The following CLVS1 variants were observed in gnomAD, a reference collection of about 807,000 sequenced individuals.
CLVS1 encodes clavesin-1.
Under a neutral mutation model 33.1 loss-of-function variants are expected in CLVS1, and 10 were observed. The ratio of observed to expected loss-of-function variants is 0.30; its 90% CI spans 0.19 to 0.51. The LOEUF is 0.51. CLVS1 is among the 20% of genes least tolerant of loss of function. The pLI is 0.97. For synonymous variants in CLVS1, 163 were observed against 166.1 expected (o/e 0.98, Z 0.14); for missense variants, 343 against 433.4 (o/e 0.79, Z 1.85).
intron 3 of CLVS1, among the ~76,000 whole-genome samples, chr8:61,419,090 C>T (rs79186131): frequency 0.02 from 3,014 of 152,168 alleles, 93 homozygotes; most frequent in African/African-American, 0.068. Context: ...AAGGCACAAA[C>T]AAGGCCACAA....
At chr8:61,121,257 A>T (rs1039049511) in intron 1 of CLVS1, among the ~76,000 whole-genome samples, 2 of 151,802 alleles carry the variant, frequency 1.3e-5, no homozygotes, top group African/African-American at 4.8e-5. Context: ...GCACCCACTG[A>T]CCTGCACCCA....
At chr8:61,282,987 T>C (rs1236532618), upstream of CLVS1, among the ~76,000 whole-genome samples, 1 of 152,220 alleles carries the variant, frequency 6.6e-6, no homozygotes, top group Non-Finnish European at 1.5e-5. Flanking sequence ...TCAAGTGCCT[T>C]CCATGATATA....
At chr8:61,186,021 G>A (rs953662981) in intron 2 of CLVS1, among the ~76,000 whole-genome samples, 2 of 152,176 alleles carry the variant, frequency 1.3e-5, no homozygotes, top group Non-Finnish European at 1.5e-5. Flanking sequence ...GACAGAGTAA[G>A]CAAGGCTGTT....
chr8:60,966,388 G>T, the CLVS1 span: 1 of 456,014 alleles, frequency 2.2e-6, no homozygotes, highest in Admixed American at 2.3e-5. Flanking sequence ...CTTCTGAGGT[G>T]CTCAGCTGTG....
At chr8:61,379,721 G>A (rs1813788873) in intron 3 of CLVS1, among the ~76,000 whole-genome samples, 1 of 152,132 alleles carries the variant, frequency 6.6e-6, no homozygotes, top group Non-Finnish European at 1.5e-5. Context: ...GTGCTCTTTG[G>A]GTCCACACCT....
rs1245164335 is a variant in CLVS1, at chr8:61,499,507, A to C, written c.1030A>C (p.Asn344His). 1.9e-6 allele frequency: 3 copies of C among 1,613,808 alleles called. No individual in the cohort carries two copies. ...GTLKHEEKGE[N>H]ENTQPLLALD ...CCTGAAACATGAGGAGAAGGGAGAG[A>C]ATGAGAACACCCAGCCACTCCTGGC... Residue 344 changes from asparagine (N) to histidine (H), a missense_variant, in exon 6 of 6, where the codon AAT (asparagine) becomes CAT (histidine). Asn to His is a moderately conservative substitution (Grantham distance 68, BLOSUM62 1). Transcript: ENST00000325897.
chr8:61,112,171 C>T (rs542773509), intron 1 of CLVS1, among the ~76,000 whole-genome samples: 9 of 147,484 alleles, frequency 6.1e-5, no homozygotes, highest in Non-Finnish European at 1.3e-4. Flanking sequence ...TTTTAAAGTT[C>T]TCCGTGCTAC....
At chr8:61,273,653 C>G (rs10090647) in intron 2 of CLVS1, among the ~76,000 whole-genome samples, 3 of 152,150 alleles carry the variant, frequency 2.0e-5, no homozygotes, top group Admixed American at 6.5e-5. Context: ...ACTCCGTGGG[C>G]GTAGGACCCT....
intron 1 of CLVS1, among the ~76,000 whole-genome samples, chr8:61,101,623 G>A (rs1805451940): frequency 6.6e-6 from 1 of 152,148 alleles, no homozygotes; most frequent in East Asian, 1.9e-4. Flanking sequence ...TAACTTTGAT[G>A]ATGTCTGGTT....
intron 2 of CLVS1, among the ~76,000 whole-genome samples, chr8:61,330,559 A>C (rs184902572): frequency 6.6e-6 from 1 of 152,176 alleles, no homozygotes; most frequent in East Asian, 1.9e-4. Context: ...ATGGGACTAA[A>C]TCTCCTCTCA....
intron 5 of CLVS1, among the ~76,000 whole-genome samples, chr8:61,473,569 T>C (rs560537839): frequency 7.2e-5 from 11 of 152,106 alleles, no homozygotes; most frequent in Admixed American, 6.5e-4. Context: ...GGAGAACAAA[T>C]TGGAGGTGGA....
rs73685728 is a variant in CLVS1 at position 61,113,386 on chromosome 8, G to C, written c.-242-18384G>C. ...ATCATGTTTTGAGTGGTGCAGATGG[G>C]TCCAACCACATGGGGAGCAAAAGGA... On this transcript the variant is annotated intron_variant, in intron 1 of 2. Transcript: ENST00000522621. Among the ~76,000 whole-genome samples the C allele has an allele frequency of 5.5e-3, 839 of 152,310 alleles. 5 individuals carry two copies. The highest frequency in any genetic ancestry group is 0.018 in the African/African-American group (741 of 41,568).
chr8:61,110,939 G>T (rs1025407769), intron 1 of CLVS1, among the ~76,000 whole-genome samples: 1 of 152,096 alleles, frequency 6.6e-6, no homozygotes, highest in Non-Finnish European at 1.5e-5. Context: ...TATACATCTG[G>T]TGATGGATAT....
the CLVS1 span, among the ~76,000 whole-genome samples, chr8:61,029,905 G>A: frequency 1.1e-4 from 16 of 152,302 alleles, no homozygotes; most frequent in Non-Finnish European, 1.5e-4. Context: ...TACACGTTGC[G>A]TCAGGATCTG....
the CLVS1 span, among the ~76,000 whole-genome samples, chr8:60,987,137 C>T: frequency 1.6e-4 from 24 of 152,108 alleles, no homozygotes; most frequent in African/African-American, 5.3e-4. Context: ...TACAATGGAA[C>T]GTGATGAGCG....
intron 2 of CLVS1, chr8:61,264,951 C>G (rs72657035): frequency 6.6e-6 from 1 of 152,194 alleles, no homozygotes; most frequent in African/African-American, 2.4e-5. Flanking sequence ...TTTTAAGCTA[C>G]TATTTCTTGC....
intron 2 of CLVS1, among the ~76,000 whole-genome samples, chr8:61,167,470 C>T (rs953251076): frequency 1.3e-5 from 2 of 152,146 alleles, no homozygotes; most frequent in African/African-American, 4.8e-5. Context: ...GTGTGAGCCA[C>T]CGTGCCCGGT....
chr8:61,032,781 T>A, the CLVS1 span, among the ~76,000 whole-genome samples: 14,453 of 151,976 alleles, frequency 0.095, 814 homozygotes, highest in South Asian at 0.17. Context: ...AAATTTCTTC[T>A]ATTCATAGGT....
intron 3 of CLVS1, among the ~76,000 whole-genome samples, chr8:61,445,152 A>C (rs1404931382): frequency 6.6e-6 from 1 of 152,214 alleles, no homozygotes; most frequent in Non-Finnish European, 1.5e-5. Flanking sequence ...ATTTGATCAT[A>C]GTGTCTAATT....
Sources: gnomAD v4.1 joint callset for allele counts (sites outside exome capture counted in the v4.1 genomes callset) on GRCh38, gnomAD v4.1.1 for gene constraint, MANE v1.5 for transcripts, NCBI Gene and HGNC (gene_info 2026-07-23, HGNC 2026-07-21) for gene names.